Variants in SPATA6 observed in about 807,000 individuals in gnomAD.
The protein encoded by SPATA6 is spermatogenesis-associated protein 6.
SPATA6 carries 56 observed loss-of-function variants against 65.3 expected under a neutral mutation model. That is an observed-to-expected ratio of 0.86 (90% CI 0.69 to 1.07). The LOEUF (loss-of-function observed/expected upper bound fraction) is 1.07. Among genes scored for constraint, SPATA6 ranks in the 50% least tolerant of loss-of-function variants. The pLI, the probability that SPATA6 is intolerant of heterozygous loss-of-function variation, is 0.00. For missense variants in SPATA6, 590 were observed against 594.8 expected (o/e 0.99, Z 0.08); for synonymous variants, 199 against 213.2 (o/e 0.93, Z 0.58).
chr1:48,277,002 C>T, the SPATA6 span, among the ~76,000 whole-genome samples: 415 of 151,610 alleles, frequency 2.7e-3, 1 homozygote, highest in African/African-American at 9.8e-3. Flanking sequence ...TTATGAATCT[C>T]GGTGCTCCTT....
chr1:48,361,358 A>G (rs909013516), intron 9 of SPATA6, among the ~76,000 whole-genome samples: 3 of 152,162 alleles, frequency 2.0e-5, no homozygotes, highest in Non-Finnish European at 4.4e-5. Flanking sequence ...ATGGGTAAAT[A>G]TAACTTGATA....
intron 7 of SPATA6, among the ~76,000 whole-genome samples, chr1:48,398,321 C>T (rs1278096581): frequency 6.6e-6 from 1 of 151,396 alleles, no homozygotes; most frequent in East Asian, 1.9e-4. Flanking sequence ...AGTCAAAATA[C>T]AGGTGGAATG....
At chr1:48,404,363 A>G (rs1651484135) in intron 5 of SPATA6, among the ~76,000 whole-genome samples, 1 of 152,100 alleles carries the variant, frequency 6.6e-6, no homozygotes, top group South Asian at 2.1e-4. Flanking sequence ...TTACTCAATT[A>G]ATTTTTTTTC....
At position 48,298,621 on chromosome 1, in the gene SPATA6, T is replaced by A. The variant is rs1487543993; in HGVS notation, c.*92A>T. On this transcript the variant is annotated 3_prime_UTR_variant, in exon 13 of 13. Coordinates refer to ENST00000371847, the MANE Select transcript of SPATA6 (RefSeq NM_019073.4). ...TATTGTACTTAGTTATAATCCCATT[T>A]TTTTTAAAAAAAGGAATACAGATAT... is the stretch of plus-strand genomic sequence containing the variant. The A allele has an allele frequency of 8.6e-6, 11 of 1,282,474 alleles. No individual in the cohort carries two copies. The highest frequency in any genetic ancestry group is 1.2e-5 in the Non-Finnish European group (11 of 935,924). The allele number at this position is 1,282,474 out of a possible 1,614,324, so 79.4% of individuals were successfully genotyped here.
At chr1:48,360,530 T>C (rs1309411762) in intron 9 of SPATA6, among the ~76,000 whole-genome samples, 1 of 148,956 alleles carries the variant, frequency 6.7e-6, no homozygotes, top group Non-Finnish European at 1.5e-5. Context: ...GAAAAATAAA[T>C]GCAAAGATCT....
At chr1:48,395,394 C>G (rs546783068) in intron 7 of SPATA6, 40 bp from the exon 8 acceptor site, 1 of 1,405,950 alleles carries the variant, frequency 7.1e-7, no homozygotes, top group Non-Finnish European at 9.5e-7. Flanking sequence ...AGAGTTTAAA[C>G]ATTCCTAGAC....
intron 11 of SPATA6, among the ~76,000 whole-genome samples, chr1:48,326,602 T>C (rs1320622943): frequency 1.3e-5 from 2 of 150,320 alleles, no homozygotes; most frequent in African/African-American, 2.4e-5. Context: ...TCACATTATA[T>C]AGCTTTAACT....
chr1:48,359,484 T>C, intron 10 of SPATA6, 102 bp downstream of exon 10: 7 of 1,325,722 alleles, frequency 5.3e-6, no homozygotes, highest in Admixed American at 2.3e-5. Context: ...AAAATCAAAT[T>C]ACACTTTTAT....
chr1:48,392,877 A>C (rs1370633449), intron 8 of SPATA6, among the ~76,000 whole-genome samples: 3 of 152,046 alleles, frequency 2.0e-5, no homozygotes, highest in African/African-American at 7.2e-5. Flanking sequence ...AGAACCCAGA[A>C]GTTGGTAAGT....
At chr1:48,366,175 G>A (rs1034910532) in intron 9 of SPATA6, among the ~76,000 whole-genome samples, 1 of 152,182 alleles carries the variant, frequency 6.6e-6, no homozygotes, top group Non-Finnish European at 1.5e-5. Context: ...GCTTTTTGAT[G>A]TGCTGCTGGA....
At chr1:48,418,265 G>T (rs1254042344) in intron 3 of SPATA6, among the ~76,000 whole-genome samples, 1 of 151,912 alleles carries the variant, frequency 6.6e-6, no homozygotes, top group Admixed American at 6.5e-5. Context: ...ATAAATGGAA[G>T]AACAAAAAAG....
chr1:48,272,908 C>A, the SPATA6 span, among the ~76,000 whole-genome samples: 1 of 152,060 alleles, frequency 6.6e-6, no homozygotes, highest in Admixed American at 6.6e-5. Flanking sequence ...TTTCGTATTC[C>A]TGTTGGCCTT....
intron 11 of SPATA6, among the ~76,000 whole-genome samples, chr1:48,308,831 T>C (rs948910548): frequency 2.0e-5 from 3 of 152,204 alleles, no homozygotes; most frequent in South Asian, 2.1e-4. Flanking sequence ...ATTTATGTGA[T>C]GAATTCCTTC....
chr1:48,459,637 C>A (rs1277159324), intron 1 of SPATA6, among the ~76,000 whole-genome samples: 2 of 152,046 alleles, frequency 1.3e-5, no homozygotes, highest in Non-Finnish European at 2.9e-5. Flanking sequence ...CTTCATCCAA[C>A]AACAGAAGGA....
Position 48,322,019 on chromosome 1 carries a change from G to A in SPATA6, c.1195-16141C>T, listed in dbSNP as rs1452561071. Among the ~76,000 whole-genome samples the A allele has an allele frequency of 2.0e-5, 3 of 152,012 alleles. No homozygotes were observed. In the East Asian group the frequency reaches 5.8e-4, roughly 29 times the overall value. The stretch of plus-strand genomic sequence containing the variant: ...TGGGATACAGCAAAAGCAGTACTAA[G>A]AGGAAAGCTTATAGCAGTAAGCGCC... On this transcript the variant is annotated intron_variant, in intron 11 of 12. Coordinates refer to ENST00000371847, the MANE Select transcript of SPATA6 (RefSeq NM_019073.4).
At chr1:48,469,543 A>G (rs116101218) in intron 1 of SPATA6, among the ~76,000 whole-genome samples, 2 of 151,604 alleles carry the variant, frequency 1.3e-5, no homozygotes, top group African/African-American at 4.8e-5. Context: ...TGTTTATATC[A>G]AAACCAGTGA....
At chr1:48,355,924 A>G (rs888541266) in intron 10 of SPATA6, among the ~76,000 whole-genome samples, 155 bp from the exon 11 acceptor site, 1 of 152,176 alleles carries the variant, frequency 6.6e-6, no homozygotes, top group Admixed American at 6.6e-5. Context: ...CATTTTAATG[A>G]TTTCCACACA....
Position 48,472,022 on chromosome 1 carries a change from G to A in SPATA6, c.-14C>T. Reference sequence around the variant, plus strand: ...CACCTTCGGCATCCGTGCGGGGAGGGGCGGCGGGGAGTGACCCCGGCCACG... The same window carrying A: ...CACCTTCGGCATCCGTGCGGGGAGGAGCGGCGGGGAGTGACCCCGGCCACG... On this transcript the variant is annotated 5_prime_UTR_variant, in exon 1 of 13. Coordinates refer to ENST00000371847, the MANE Select transcript of SPATA6 (RefSeq NM_019073.4). 1.3e-6 allele frequency: 2 copies of A among 1,532,492 alleles called. No homozygotes were observed. The highest frequency in any genetic ancestry group is 1.4e-5 in the African/African-American group (1 of 71,458). 94.9% of individuals were successfully genotyped at this position (1,532,492 alleles called of 1,614,324 possible).
At chr1:48,432,690 A>G (rs981831892) in intron 3 of SPATA6, among the ~76,000 whole-genome samples, 1 of 152,218 alleles carries the variant, frequency 6.6e-6, no homozygotes, top group Non-Finnish European at 1.5e-5. Context: ...AAAATGTAAA[A>G]TGATACAGCT....
Sources: allele counts gnomAD v4.1 joint callset (sites outside exome capture counted in the v4.1 genomes callset), GRCh38; gene constraint gnomAD v4.1.1; transcripts MANE v1.5; gene names NCBI Gene and HGNC (gene_info 2026-07-23, HGNC 2026-07-21).